SNORC: variants seen among roughly 807,000 people sequenced by gnomAD.
SNORC encodes secondary ossification center associated regulator of chondrocyte maturation, also known as protein SNORC.
SNORC carries 11 observed loss-of-function variants against 9.7 expected under a neutral mutation model. That is an observed-to-expected ratio of 1.14 (90% CI 0.72 to 1.88). SNORC has a LOEUF of 1.88. Among genes scored for constraint, SNORC ranks in the 40% most tolerant of loss-of-function variants. SNORC has a pLI of 0.00. For missense variants in SNORC, 197 were observed against 173.1 expected (o/e 1.14, Z -0.77); for synonymous variants, 108 against 88.7 (o/e 1.22, Z -1.22).
chr2:232,872,664 T>C (rs1691073464), intron 1 of SNORC, among the ~76,000 whole-genome samples: 1 of 152,156 alleles, frequency 6.6e-6, no homozygotes, highest in African/African-American at 2.4e-5. Context: ...CTATTCACTG[T>C]CCGCCTGGCA....
At chr2:232,872,016 C>T (rs936670037) in intron 1 of SNORC, among the ~76,000 whole-genome samples, 3 of 152,232 alleles carry the variant, frequency 2.0e-5, no homozygotes, top group Admixed American at 2.0e-4. Flanking sequence ...CACTGCCCCA[C>T]TTCCCTCCAT....
intron 1 of SNORC, chr2:232,875,345 AAGAG>A (rs35523521): frequency 0.19 from 40,015 of 208,668 alleles, 4,317 homozygotes; most frequent in Middle Eastern, 0.22. Context: ...CTGTTTCAAA[AAGAG>A]AGAGAGAGAG....
chr2:232,875,487 G>T, intron 1 of SNORC: 1 of 430,546 alleles, frequency 2.3e-6, no homozygotes, highest in South Asian at 1.7e-5. Flanking sequence ...CATCCTGTCT[G>T]GTTGCCGGGG....
exon 2 of SNORC, chr2:232,875,966 A>C (rs759494052): frequency 3.7e-5 from 57 of 1,553,154 alleles, no homozygotes; most frequent in Non-Finnish European, 4.8e-5. Flanking sequence ...GCCCGTGCCC[A>C]CGCTGTGGAA....
chr2:232,875,941 C>T (rs867454555), exon 2 of SNORC: 1 of 1,550,516 alleles, frequency 6.4e-7, no homozygotes, highest in Admixed American at 1.9e-5. Flanking sequence ...GCTTTGCAGA[C>T]GATGTTCCAC....
chr2:232,875,922 C>T lies in SNORC; in HGVS notation c.74-18C>T, dbSNP rs889464056. 2.4e-5 allele frequency: 37 copies of T among 1,539,254 alleles called. No individual in the cohort carries two copies. The highest frequency in any genetic ancestry group is 3.1e-5 in the Non-Finnish European group (35 of 1,143,192). ...GCCCCGTCACCTGGGGCCCCAGCAC[C>T]TCTCCTTGGCTTTGCAGACGATGTT... is the stretch of plus-strand genomic sequence containing the variant. On this transcript the variant is annotated intron_variant, in intron 1 of 2. Transcript: ENST00000331342.
At chr2:232,876,838 C>T (rs1691272576), downstream of SNORC, 1 of 985,694 alleles carries the variant, frequency 1.0e-6, no homozygotes, top group South Asian at 4.7e-5. This position sits in a 1 kb window ranked among gnomAD's most constrained non-coding sequence, Gnocchi z 6.8. Flanking sequence ...CCTCCTCTGC[C>T]TGGGCGCGGG....
At chr2:232,876,559 G>A, downstream of SNORC, 2 of 1,176,744 alleles carry the variant, frequency 1.7e-6, no homozygotes, top group Non-Finnish European at 2.1e-6. This position sits in a 1 kb window ranked among gnomAD's most constrained non-coding sequence, Gnocchi z 6.8. Flanking sequence ...CGAATTCCCC[G>A]CAGGGGCGCC....
At chr2:232,868,509 A>G (rs73997587), upstream of SNORC, among the ~76,000 whole-genome samples, 1,855 of 152,294 alleles carry the variant, frequency 0.012, 40 homozygotes, top group African/African-American at 0.043. Context: ...CAGTGATCCC[A>G]TCATCAACTC....
chr2:232,875,503 T>C, intron 1 of SNORC: 1 of 436,418 alleles, frequency 2.3e-6, no homozygotes, highest in South Asian at 1.7e-5. Context: ...CGGGGATGGA[T>C]GGCCCAGGGT....
In SNORC at chr2:232,874,956, G is replaced by A. The variant is rs532856604; in HGVS notation, c.74-984G>A. 2.0e-4 allele frequency among the ~76,000 whole-genome samples: 31 copies of A among 152,364 alleles called. 1 individual carries two copies. In the South Asian group the frequency reaches 6.4e-3, roughly 32 times the overall value. On this transcript the variant is annotated intron_variant, in intron 1 of 2. Transcript: ENST00000331342. ...ACACCACAGAGTAGCTGGAGTCAAA[G>A]AGATGAGGTGTTGGGACATCCCCAA...
intron 1 of SNORC, chr2:232,875,696 T>G: frequency 3.6e-6 from 2 of 557,342 alleles, no homozygotes; most frequent in Non-Finnish European, 3.2e-6. Flanking sequence ...GAGAAGGGCT[T>G]TGTGGGGGGC....
At chr2:232,876,955 A>C (rs2106198631), downstream of SNORC, 1 of 984,540 alleles carries the variant, frequency 1.0e-6, no homozygotes, top group Non-Finnish European at 1.2e-6. This position sits in a 1 kb window ranked among gnomAD's most constrained non-coding sequence, Gnocchi z 6.8. Context: ...GCCGACAGAG[A>C]CCCCGGGGCC....
chr2:232,870,394 T>G (rs772959887), exon 1 of SNORC: 1 of 1,571,664 alleles, frequency 6.4e-7, no homozygotes, highest in Non-Finnish European at 8.6e-7. Flanking sequence ...TCCGGGGTTC[T>G]GGCCCCTGCG....
chr2:232,873,413 CAG>C (rs1245303818), intron 1 of SNORC, among the ~76,000 whole-genome samples: 1 of 152,010 alleles, frequency 6.6e-6, no homozygotes, highest in Non-Finnish European at 1.5e-5. Context: ...CTGCCCTGCT[CAG>C]AGGGTACCGT....
At chr2:232,869,107 T>A (rs1011986675), upstream of SNORC, 3 of 152,180 alleles carry the variant, frequency 2.0e-5, no homozygotes, top group Non-Finnish European at 2.9e-5. Context: ...TTAGGGTAGG[T>A]ACAAGGTAAT....
At chr2:232,874,059 C>A (rs1215606506) in intron 1 of SNORC, among the ~76,000 whole-genome samples, 2 of 152,202 alleles carry the variant, frequency 1.3e-5, no homozygotes, top group Non-Finnish European at 2.9e-5. Context: ...AGAGCTGAGC[C>A]TTGCAACTGA....
exon 2 of SNORC, chr2:232,875,985 C>T (rs1351385686): frequency 6.4e-7 from 1 of 1,555,074 alleles, no homozygotes; most frequent in African/African-American, 1.4e-5. Flanking sequence ...AACGAGCCGG[C>T]CGAGCTGCCG....
At chr2:232,876,455 A>G, downstream of SNORC, 2 of 1,386,932 alleles carry the variant, frequency 1.4e-6, no homozygotes, top group Non-Finnish European at 1.9e-6. The surrounding 1 kb of genome is among the most constrained non-coding windows in gnomAD (Gnocchi z 6.8). Context: ...CAGGTGTGCC[A>G]GAGCGTGAGC....
Sources: allele counts gnomAD v4.1 joint callset (sites outside exome capture counted in the v4.1 genomes callset), GRCh38; gene constraint gnomAD v4.1.1; non-coding constraint Gnocchi (gnomAD v3.1); transcripts MANE v1.5; gene names NCBI Gene and HGNC (gene_info 2026-07-23, HGNC 2026-07-21).